The following NFIB variants were observed in gnomAD, a reference collection of about 807,000 sequenced individuals.
The protein encoded by NFIB is nuclear factor 1 B-type.
In NFIB, 11 loss-of-function variants were observed where a neutral mutation model predicts 61.5. The observed-to-expected ratio is 0.18, with a 90% CI of 0.11 to 0.30. The LOEUF is 0.30. NFIB is among the 10% of genes least tolerant of loss of function. The pLI is 1.00. For synonymous variants in NFIB, 260 were observed against 216.5 expected, an observed-to-expected ratio of 1.20 and a Z score of -1.76; for missense variants, 471 against 608.9, an observed-to-expected ratio of 0.77 and a Z score of 2.38.
intron 3 of NFIB, among the ~76,000 whole-genome samples, chr9:14,166,654 C>A (rs1283704896): frequency 6.6e-6 from 1 of 152,176 alleles, no homozygotes; most frequent in African/African-American, 2.4e-5. Context: ...CCTACATCCT[C>A]CAATTTCTCC....
the NFIB span, among the ~76,000 whole-genome samples, chr9:14,454,444 T>C: frequency 3.3e-4 from 51 of 152,344 alleles, no homozygotes; most frequent in African/African-American, 1.2e-3. Context: ...GAGGTAACCC[T>C]CTCTCTTGCC....
the NFIB span, among the ~76,000 whole-genome samples, chr9:14,443,397 T>C: frequency 6.6e-6 from 1 of 152,174 alleles, no homozygotes; most frequent in Non-Finnish European, 1.5e-5. Flanking sequence ...GACTGTCTCA[T>C]AGGCATCTCA....
At chr9:14,353,116 G>A (rs1191684535) in intron 1 of NFIB, among the ~76,000 whole-genome samples, 1 of 152,112 alleles carries the variant, frequency 6.6e-6, no homozygotes, top group Non-Finnish European at 1.5e-5. Flanking sequence ...GCAGAGGTAT[G>A]GTGAAGGTGC....
intron 1 of NFIB, among the ~76,000 whole-genome samples, chr9:14,393,412 A>T (rs2061648289): frequency 6.6e-6 from 1 of 152,124 alleles, no homozygotes; most frequent in Non-Finnish European, 1.5e-5. Flanking sequence ...CCCAACTCAG[A>T]TTGGAAGTCG....
chr9:14,146,865 T>C, intron 5 of NFIB, 58 bp from the exon 6 acceptor site: 1 of 1,581,168 alleles, frequency 6.3e-7, no homozygotes, highest in South Asian at 1.2e-5. Context: ...GTGTACATTT[T>C]AAAGTAAATG....
chr9:14,095,438 A>G (rs1029491637), intron 10 of NFIB, among the ~76,000 whole-genome samples: 1 of 152,150 alleles, frequency 6.6e-6, no homozygotes, highest in African/African-American at 2.4e-5. Flanking sequence ...AGCACAGTGG[A>G]GAAGCCCACA....
intron 1 of NFIB, among the ~76,000 whole-genome samples, chr9:14,351,646 C>T (rs59317512): frequency 6.6e-6 from 1 of 152,166 alleles, no homozygotes; most frequent in Admixed American, 6.5e-5. Flanking sequence ...TTCTGTCTAT[C>T]CTAGATGACA....
intron 2 of NFIB, among the ~76,000 whole-genome samples, chr9:14,294,397 A>G (rs972503033): frequency 1.3e-5 from 2 of 152,244 alleles, no homozygotes; most frequent in African/African-American, 2.4e-5. Context: ...GTGAACATCA[A>G]CTTTAAATCA....
At chr9:14,232,630 G>A (rs1232184766) in intron 2 of NFIB, among the ~76,000 whole-genome samples, 1 of 152,084 alleles carries the variant, frequency 6.6e-6, no homozygotes, top group Non-Finnish European at 1.5e-5. Context: ...AGTATTAGAG[G>A]GCTAAGGATC....
In NFIB at chr9:14,140,098, T is replaced by C. The variant is rs796615852; in HGVS notation, c.925+6591A>G. Among the ~76,000 whole-genome samples, 16 of 152,322 alleles carry C rather than the reference T, an allele frequency of 1.1e-4. 1 individual carries two copies. Among genetic ancestry groups the C allele is most frequent in the African/African-American group, 3.6e-4 (15 of 41,586 alleles). On this transcript the variant is annotated intron_variant, in intron 6 of 10. Transcript: ENST00000380953. ...TTTTTTCTGGTTCAAAACTTTGGTA[T>C]TTGAATATTTGCCATTTCATCCCTG... is the stretch of plus-strand genomic sequence containing the variant.
At chr9:14,349,104 C>T (rs968437706) in intron 1 of NFIB, among the ~76,000 whole-genome samples, 1 of 152,260 alleles carries the variant, frequency 6.6e-6, no homozygotes, top group African/African-American at 2.4e-5. Context: ...ACTCTCTGCT[C>T]TTGCGAGCAA....
chr9:14,104,433 G>GT (rs904172725), intron 10 of NFIB, among the ~76,000 whole-genome samples: 6 of 151,076 alleles, frequency 4.0e-5, no homozygotes, highest in Non-Finnish European at 7.4e-5. Context: ...TTTTTTTACA[G>GT]TTTTTTTTAC....
At chr9:14,341,955 A>C (rs867146738) in intron 1 of NFIB, among the ~76,000 whole-genome samples, 110 of 150,682 alleles carry the variant, frequency 7.3e-4, no homozygotes, top group Admixed American at 1.1e-3. Flanking sequence ...AAAAAAAAAA[A>C]ATCAGTCATT....
chr9:14,501,369 A>G, the NFIB span, among the ~76,000 whole-genome samples: 1 of 152,076 alleles, frequency 6.6e-6, no homozygotes, highest in Non-Finnish European at 1.5e-5. Flanking sequence ...TGGTATACAG[A>G]TTTCTTGTGC....
At chr9:14,520,709 T>C in the NFIB span, among the ~76,000 whole-genome samples, 3 of 152,202 alleles carry the variant, frequency 2.0e-5, no homozygotes, top group African/African-American at 7.2e-5. Flanking sequence ...CATGACCCAT[T>C]AGCAGGTCAA....
At chr9:14,350,044 C>T (rs575591461) in intron 1 of NFIB, among the ~76,000 whole-genome samples, 1 of 152,166 alleles carries the variant, frequency 6.6e-6, no homozygotes, top group Non-Finnish European at 1.5e-5. Flanking sequence ...CAGGCACGCA[C>T]GCACGGGTGG....
intron 3 of NFIB, among the ~76,000 whole-genome samples, chr9:14,170,973 CAG>C (rs1398211826): frequency 2.6e-5 from 4 of 152,134 alleles, no homozygotes; most frequent in Non-Finnish European, 5.9e-5. Flanking sequence ...GACACCATTT[CAG>C]ATAACACGAG....
intron 6 of NFIB, among the ~76,000 whole-genome samples, chr9:14,133,342 T>C (rs1199867294): frequency 6.6e-6 from 1 of 152,184 alleles, no homozygotes; most frequent in African/African-American, 2.4e-5. Flanking sequence ...AAATGAGCTT[T>C]AGCTTAACTG....
At chr9:14,115,285 TAAGA>T (rs1267470179) in intron 9 of NFIB, among the ~76,000 whole-genome samples, 1 of 116,352 alleles carries the variant, frequency 8.6e-6, no homozygotes, top group Non-Finnish European at 1.6e-5. Context: ...TTTCTTGCTC[TAAGA>T]AAGAAAAAAA....
Sources: allele counts gnomAD v4.1 joint callset (sites outside exome capture counted in the v4.1 genomes callset), GRCh38; gene constraint gnomAD v4.1.1; transcripts MANE v1.5; gene names NCBI Gene and HGNC (gene_info 2026-07-23, HGNC 2026-07-21).